MGAT4A: variants seen among roughly 807,000 people sequenced by gnomAD.
MGAT4A encodes alpha-1,3-mannosyl-glycoprotein 4-beta-N-acetylglucosaminyltransferase A.
Under a neutral mutation model 74.1 loss-of-function variants are expected in MGAT4A, and 33 were observed. That is an observed-to-expected ratio of 0.45 (90% CI 0.34 to 0.60). The LOEUF is 0.60. MGAT4A is among the 20% of genes least tolerant of loss of function. MGAT4A has a pLI of 0.02. For missense variants in MGAT4A, 479 were observed against 628.3 expected (o/e 0.76, Z 2.54); for synonymous variants, 198 against 210.4 (o/e 0.94, Z 0.51).
chr2:98,719,285 T>C (rs1162655574), intron 2 of MGAT4A, among the ~76,000 whole-genome samples: 1 of 152,252 alleles, frequency 6.6e-6, no homozygotes, highest in Non-Finnish European at 1.5e-5. Flanking sequence ...CCATTTAGTT[T>C]GTAGCAGAAT....
intron 2 of MGAT4A, among the ~76,000 whole-genome samples, chr2:98,702,935 G>A (rs573812703): frequency 4.9e-4 from 75 of 152,258 alleles, no homozygotes; most frequent in Non-Finnish European, 8.1e-4. Context: ...ATCCAGAACT[G>A]CATCAATATA....
At chr2:98,665,791 T>G (rs1701820929) in intron 4 of MGAT4A, among the ~76,000 whole-genome samples, 1 of 152,244 alleles carries the variant, frequency 6.6e-6, no homozygotes, top group South Asian at 2.1e-4. Context: ...CTCTCTGATA[T>G]CAGCTGAGCT....
intron 2 of MGAT4A, among the ~76,000 whole-genome samples, chr2:98,693,020 G>C (rs1262481506): frequency 3.3e-5 from 5 of 152,170 alleles, no homozygotes; most frequent in African/African-American, 1.2e-4. Context: ...TTGAACGTTA[G>C]AAAACTAGAG....
chr2:98,667,032 G>A (rs895595079), intron 4 of MGAT4A, among the ~76,000 whole-genome samples: 7 of 152,144 alleles, frequency 4.6e-5, no homozygotes, highest in Admixed American at 6.6e-5. Flanking sequence ...TGCTGTTCTC[G>A]TGATAGTGAA....
chr2:98,643,183 T>A (rs763402825), intron 10 of MGAT4A, among the ~76,000 whole-genome samples: 2 of 151,842 alleles, frequency 1.3e-5, no homozygotes, highest in Admixed American at 6.6e-5. Context: ...TTACTCTTTT[T>A]AAAAAAAAAT....
At position 98,677,597 on chromosome 2, in the gene MGAT4A, C is replaced by T. The variant is rs559956599; in HGVS notation, c.262+707G>A. On this transcript the variant is annotated intron_variant, in intron 3 of 15. Transcript: ENST00000393487. ...CCTCCTAAGTAGCTGGCACTACAGG[C>T]GCACACCAACATGCCCGGCTAATTT... is the stretch of plus-strand genomic sequence containing the variant. Among the ~76,000 whole-genome samples, 12 of 152,042 alleles carry T rather than the reference C, an allele frequency of 7.9e-5. 1 individual carries two copies. The South Asian group carries it at 8.3e-4, about 11-fold the overall frequency.
intron 2 of MGAT4A, chr2:98,695,368 A>G: frequency 4.7e-6 from 1 of 212,180 alleles, no homozygotes; most frequent in South Asian, 9.8e-5. Context: ...CCACTGCAGA[A>G]CCTGATACAC....
intron 4 of MGAT4A, among the ~76,000 whole-genome samples, chr2:98,669,741 C>T (rs887835492): frequency 1.3e-5 from 2 of 152,122 alleles, no homozygotes; most frequent in African/African-American, 4.8e-5. Context: ...GCCTTCTGAG[C>T]CCATGGTGGG....
At chr2:98,710,013 G>A (rs1469516059) in intron 2 of MGAT4A, among the ~76,000 whole-genome samples, 3 of 152,116 alleles carry the variant, frequency 2.0e-5, no homozygotes, top group Non-Finnish European at 4.4e-5. Context: ...AAGGAGAGTA[G>A]AGCAACATGA....
intron 4 of MGAT4A, among the ~76,000 whole-genome samples, chr2:98,666,483 A>G (rs1275845535): frequency 6.6e-6 from 1 of 152,158 alleles, no homozygotes; most frequent in African/African-American, 2.4e-5. Context: ...GCTTGAGCCC[A>G]GGAGTTCGAG....
chr2:98,656,908 T>C (rs34457904), intron 6 of MGAT4A, among the ~76,000 whole-genome samples: 65,973 of 152,050 alleles, frequency 0.43, 14,862 homozygotes, highest in South Asian at 0.54. Context: ...TTGTGGGTTA[T>C]AGACCACATG....
At chr2:98,677,801 A>ATTTTTTTTTTTT (rs70940122) in intron 3 of MGAT4A, among the ~76,000 whole-genome samples, 2 of 121,352 alleles carry the variant, frequency 1.6e-5, no homozygotes, top group Non-Finnish European at 3.4e-5. Context: ...CAGGTAATAA[A>ATTTTTTTTTTTT]TTTTTTTTTT....
chr2:98,644,116 T>C, intron 9 of MGAT4A, 63 bp from the exon 10 acceptor site: 1 of 1,444,688 alleles, frequency 6.9e-7, no homozygotes, highest in Non-Finnish European at 9.2e-7. Context: ...TGGCTTACAT[T>C]CATGAAATCT....
chr2:98,692,698 T>C (rs1020695810), intron 2 of MGAT4A, among the ~76,000 whole-genome samples: 2 of 152,224 alleles, frequency 1.3e-5, no homozygotes, highest in Non-Finnish European at 2.9e-5. Context: ...TGTGTTATAA[T>C]TGCCTATGGA....
chr2:98,722,857 C>T (rs1702696885), intron 2 of MGAT4A, among the ~76,000 whole-genome samples: 1 of 152,128 alleles, frequency 6.6e-6, no homozygotes, highest in African/African-American at 2.4e-5. Context: ...GGACCCGTGA[C>T]TGCTTCATCA....
At chr2:98,666,833 G>A (rs1701838395) in intron 4 of MGAT4A, among the ~76,000 whole-genome samples, 1 of 152,178 alleles carries the variant, frequency 6.6e-6, no homozygotes, top group South Asian at 2.1e-4. Context: ...ATGGCATAAA[G>A]TCACAATGCA....
At chr2:98,699,328 T>TA (rs748713219) in intron 2 of MGAT4A, among the ~76,000 whole-genome samples, 54 of 152,112 alleles carry the variant, frequency 3.6e-4, no homozygotes, top group Non-Finnish European at 1.0e-4. Flanking sequence ...CTTGTACAAA[T>TA]AGTTTAGGCA....
rs181670884 is a variant in MGAT4A, at chr2:98,726,450, A to G, written c.-118T>C. On this transcript the variant is annotated 5_prime_UTR_variant, in exon 2 of 16. Coordinates refer to ENST00000393487, the MANE Select transcript of MGAT4A (RefSeq NM_012214.3). ...CCTGGCTCTAGGCCAATAAAAATCA[A>G]TAAGAGAGGTTCATTTCAGATGATC... 3.8e-5 allele frequency: 27 copies of G among 701,596 alleles called. No homozygotes were observed. The highest frequency in any genetic ancestry group is 2.7e-4 in the East Asian group (10 of 36,652). The allele number at this position is 701,596 out of a possible 1,614,324, so 43.5% of individuals were successfully genotyped here. A position where few individuals can be genotyped will look rare whatever the true frequency, so the allele number is the denominator to read the frequency against.
At chr2:98,728,639 C>T (rs944725383) in intron 1 of MGAT4A, among the ~76,000 whole-genome samples, 1 of 151,664 alleles carries the variant, frequency 6.6e-6, no homozygotes, top group African/African-American at 2.4e-5. Context: ...TCCCAGCTTA[C>T]TCGGGAGGCT....
Sources: gnomAD v4.1 joint callset for allele counts (sites outside exome capture counted in the v4.1 genomes callset) on GRCh38, gnomAD v4.1.1 for gene constraint, MANE v1.5 for transcripts, NCBI Gene and HGNC (gene_info 2026-07-23, HGNC 2026-07-21) for gene names.